ADGRL2: variants seen among roughly 807,000 people sequenced by gnomAD.
ADGRL2 encodes calcium-independent alpha-latrotoxin receptor 2.
In ADGRL2, 44 loss-of-function variants were observed where a neutral mutation model predicts 157.4. The ratio of observed to expected loss-of-function variants is 0.28; its 90% CI spans 0.22 to 0.36. The LOEUF (loss-of-function observed/expected upper bound fraction) is 0.36. Ranked by LOEUF, ADGRL2 falls within the 10% of genes least tolerant of loss-of-function variation. The pLI is 1.00. For synonymous variants in ADGRL2, 585 were observed against 624.7 expected (o/e 0.94, Z 0.95); for missense variants, 1,510 against 1,768.9 (o/e 0.85, Z 2.63).
At chr1:81,506,293 CT>C (rs2078974341) in intron 2 of ADGRL2, 1 of 152,202 alleles carries the variant, frequency 6.6e-6, no homozygotes, top group Non-Finnish European at 1.5e-5. Context: ...TAAATTACCA[CT>C]TAAGATGCCA....
chr1:81,443,437 CA>C (rs199968094), intron 1 of ADGRL2, among the ~76,000 whole-genome samples: 2,741 of 117,724 alleles, frequency 0.023, 42 homozygotes, highest in East Asian at 0.051. Context: ...AACTCCATCT[CA>C]AAAAAAAAAA....
At chr1:81,927,399 A>T (rs1001373970) in intron 3 of ADGRL2, among the ~76,000 whole-genome samples, 1 of 152,138 alleles carries the variant, frequency 6.6e-6, no homozygotes, top group African/African-American at 2.4e-5. Context: ...AATAATTTTT[A>T]TGCAATTTCA....
chr1:81,326,893 A>G (rs1228567445), intron 1 of ADGRL2, among the ~76,000 whole-genome samples: 1 of 152,236 alleles, frequency 6.6e-6, no homozygotes, highest in Non-Finnish European at 1.5e-5. Flanking sequence ...CTTGTAAAAC[A>G]TAAACTCTAG....
intron 2 of ADGRL2, among the ~76,000 whole-genome samples, chr1:81,851,830 T>C: frequency 6.6e-6 from 1 of 151,560 alleles, no homozygotes; most frequent in East Asian, 1.9e-4. Flanking sequence ...AATTTCTGAT[T>C]TACCATTCTG....
chr1:81,465,471 G>A (rs780571920), intron 2 of ADGRL2, among the ~76,000 whole-genome samples: 49 of 151,962 alleles, frequency 3.2e-4, no homozygotes, highest in Non-Finnish European at 8.8e-5. Flanking sequence ...TCCATGTTTA[G>A]AAGGGGAAAA....
chr1:81,917,006 T>TC (rs1277352004), intron 3 of ADGRL2, among the ~76,000 whole-genome samples: 3 of 151,960 alleles, frequency 2.0e-5, no homozygotes, highest in Non-Finnish European at 4.4e-5. Flanking sequence ...TCTTTTTTTT[T>TC]CTTTTTGTGG....
chr1:81,326,699 T>C (rs778696816), intron 1 of ADGRL2, among the ~76,000 whole-genome samples: 35 of 152,212 alleles, frequency 2.3e-4, no homozygotes, highest in Admixed American at 2.6e-4. Flanking sequence ...GACTCAGGGC[T>C]GTTATTTTTC....
At position 81,343,087 on chromosome 1, in the gene ADGRL2, C is replaced by CTTTTTTTT. The variant is rs764039251; in HGVS notation, c.-302+36582_-302+36583insTTTTTTTT. ...TTTTTCTTTTCTTTTTTTCTTTTTT[C>CTTTTTTTT]TTTTCTTTTTTTTTTTTTTGAGACA... On this transcript the variant is annotated intron_variant, in intron 1 of 24. Transcript: ENST00000370721. Among the ~76,000 whole-genome samples, 985 of 127,322 alleles carry CTTTTTTTT rather than the reference C, an allele frequency of 7.7e-3. 8 individuals carry two copies. The highest frequency in any genetic ancestry group is 0.011 in the African/African-American group (362 of 34,028). 83.5% of individuals were successfully genotyped at this position (127,322 alleles called of 152,430 possible).
intron 2 of ADGRL2, among the ~76,000 whole-genome samples, chr1:81,895,809 C>T (rs1416181839): frequency 6.6e-6 from 1 of 152,018 alleles, no homozygotes; most frequent in Non-Finnish European, 1.5e-5. Context: ...GACTTAAAAT[C>T]CAAATTTTTA....
At chr1:81,374,963 T>C (rs1394703965) in intron 1 of ADGRL2, among the ~76,000 whole-genome samples, 1 of 152,162 alleles carries the variant, frequency 6.6e-6, no homozygotes, top group African/African-American at 2.4e-5. Flanking sequence ...CAGATGGCTC[T>C]CATTTGAGAC....
At chr1:81,545,569 C>G (rs558050864) in intron 2 of ADGRL2, among the ~76,000 whole-genome samples, 3 of 152,104 alleles carry the variant, frequency 2.0e-5, no homozygotes, top group Non-Finnish European at 4.4e-5. Context: ...CTTGAGCTAT[C>G]GAGCCTGGCC....
chr1:81,754,893 G>A (rs2085632109), intron 1 of ADGRL2, among the ~76,000 whole-genome samples: 1 of 151,744 alleles, frequency 6.6e-6, no homozygotes, highest in South Asian at 2.1e-4. Context: ...GACAACGCAT[G>A]TTAATTGCTT....
chr1:81,693,615 T>C (rs564504010), intron 3 of ADGRL2, among the ~76,000 whole-genome samples: 1 of 152,322 alleles, frequency 6.6e-6, no homozygotes, highest in South Asian at 2.1e-4. Flanking sequence ...GGGCAACTTC[T>C]TTTTTGAGGT....
At chr1:81,662,135 A>C (rs2082663994) in intron 3 of ADGRL2, among the ~76,000 whole-genome samples, 1 of 152,126 alleles carries the variant, frequency 6.6e-6, no homozygotes, top group Non-Finnish European at 1.5e-5. Flanking sequence ...TCAAGCATTT[A>C]TCCTTCGAGT....
intron 2 of ADGRL2, among the ~76,000 whole-genome samples, chr1:81,509,989 A>T (rs1195878711): frequency 1.3e-5 from 2 of 152,356 alleles, no homozygotes; most frequent in East Asian, 3.9e-4. Context: ...GTCCAAAAAA[A>T]GAAAGTTGAA....
At chr1:81,458,427 G>A (rs1012210496) in intron 2 of ADGRL2, among the ~76,000 whole-genome samples, 2 of 152,186 alleles carry the variant, frequency 1.3e-5, no homozygotes, top group Non-Finnish European at 2.9e-5. Context: ...CGCCCGGCAC[G>A]TTCTTTTCTG....
intron 2 of ADGRL2, among the ~76,000 whole-genome samples, chr1:81,505,635 G>C (rs1570315042): frequency 6.7e-6 from 1 of 149,514 alleles, no homozygotes; most frequent in African/African-American, 2.5e-5. Flanking sequence ...AGCCAGGGCA[G>C]CTCTGTCCCC....
intron 2 of ADGRL2, among the ~76,000 whole-genome samples, chr1:81,841,920 A>G (rs1298749198): frequency 6.6e-6 from 1 of 152,204 alleles, no homozygotes; most frequent in Non-Finnish European, 1.5e-5. Flanking sequence ...TGATATTCAC[A>G]GAGGCATTGG....
At chr1:81,814,082 G>A (rs2090144878) in intron 1 of ADGRL2, among the ~76,000 whole-genome samples, 1 of 151,642 alleles carries the variant, frequency 6.6e-6, no homozygotes, top group Non-Finnish European at 1.5e-5. Flanking sequence ...AGTATTATTG[G>A]TATTTTATTA....
Sources: gnomAD v4.1 joint callset for allele counts (sites outside exome capture counted in the v4.1 genomes callset) on GRCh38, gnomAD v4.1.1 for gene constraint, MANE v1.5 for transcripts, NCBI Gene and HGNC (gene_info 2026-07-23, HGNC 2026-07-21) for gene names.